VPS53: variants seen among roughly 807,000 people sequenced by gnomAD.
The protein encoded by VPS53 is VPS53 subunit of GARP complex.
In VPS53, 70 loss-of-function variants were observed where a neutral mutation model predicts 107.0. That is an observed-to-expected ratio of 0.65 (90% confidence interval 0.54 to 0.80). The LOEUF is 0.80. VPS53 is among the 30% of genes least tolerant of loss of function. The pLI is 0.00. For synonymous variants in VPS53, 409 were observed against 393.3 expected, an observed-to-expected ratio of 1.04 and a Z score of -0.47; for missense variants, 917 against 1,049.4, an observed-to-expected ratio of 0.87 and a Z score of 1.74.
At position 520,520 on chromosome 17, in the gene VPS53, TA is replaced by T. The variant is rs2151792492; in HGVS notation, c.2224-591del. Among the ~76,000 whole-genome samples, 1 of 152,322 alleles carries T rather than the reference TA, an allele frequency of 6.6e-6. No homozygotes were observed. The highest frequency in any genetic ancestry group is 2.4e-5 in the African/African-American group (1 of 41,574). On this transcript the variant is annotated intron_variant, in intron 20 of 21. Transcript: ENST00000437048. This position sits in a 1 kb window ranked among gnomAD's most constrained non-coding sequence, Gnocchi z 4.4. ...CTGTAACTTCATGTAACGACTAACT[TA>T]AACTATCAATTAACATACAAACAAA...
At chr17:679,649 A>T (rs1028173282) in intron 4 of VPS53, among the ~76,000 whole-genome samples, 1 of 152,232 alleles carries the variant, frequency 6.6e-6, no homozygotes, top group African/African-American at 2.4e-5. Context: ...GAAGTGGAAG[A>T]TGTAACTATA....
chr17:680,355 A>G (rs184387676), intron 4 of VPS53, among the ~76,000 whole-genome samples: 4 of 152,206 alleles, frequency 2.6e-5, no homozygotes, highest in Non-Finnish European at 5.9e-5. Flanking sequence ...ATAACCAAAA[A>G]GAAGAAAATG....
At chr17:581,841 T>C (rs1265331887) in intron 13 of VPS53, among the ~76,000 whole-genome samples, 1 of 151,998 alleles carries the variant, frequency 6.6e-6, no homozygotes, top group African/African-American at 2.4e-5. Context: ...CCTCAATGCG[T>C]TCCCAGAGAA....
intron 3 of VPS53, 152 bp from the exon 4 acceptor site, chr17:697,636 G>A (rs745643431): frequency 7.6e-6 from 5 of 656,148 alleles, no homozygotes; most frequent in Non-Finnish European, 1.3e-5. Context: ...CATCAGGCAG[G>A]AGGAGGGCAG....
intron 4 of VPS53, among the ~76,000 whole-genome samples, chr17:671,694 G>C (rs1473930344): frequency 2.0e-5 from 3 of 148,742 alleles, no homozygotes; most frequent in African/African-American, 4.9e-5. Context: ...CGTTGGAGCA[G>C]TTTTCCCATG....
intron 12 of VPS53, among the ~76,000 whole-genome samples, chr17:599,423 C>T (rs1226692724): frequency 6.6e-6 from 1 of 151,898 alleles, no homozygotes; most frequent in Non-Finnish European, 1.5e-5. Context: ...CTTCTTCTGC[C>T]TTGGGATCCT....
chr17:656,968 G>T (rs765152601), intron 5 of VPS53: 32 of 967,890 alleles, frequency 3.3e-5, no homozygotes, highest in Non-Finnish European at 5.2e-5. Context: ...CATGAACCAC[G>T]TCAGAAGATC....
intron 4 of VPS53, among the ~76,000 whole-genome samples, chr17:687,311 C>G (rs1313594327): frequency 6.7e-6 from 1 of 149,696 alleles, no homozygotes; most frequent in African/African-American, 2.5e-5. Flanking sequence ...GGTGCGGTGG[C>G]TCATACCTGT....
intron 7 of VPS53, among the ~76,000 whole-genome samples, chr17:633,736 G>C (rs1361783695): frequency 6.6e-6 from 1 of 152,204 alleles, no homozygotes; most frequent in Non-Finnish European, 1.5e-5. Flanking sequence ...GCCACCTCCA[G>C]ATTGGAATCA....
intron 13 of VPS53, among the ~76,000 whole-genome samples, chr17:567,081 A>G (rs1310042108): frequency 6.6e-6 from 1 of 152,152 alleles, no homozygotes; most frequent in Non-Finnish European, 1.5e-5. Flanking sequence ...CCAACGCGCC[A>G]GCCAACTCTG....
chr17:603,576 G>A lies in VPS53; in HGVS notation c.1117-1680C>T, dbSNP rs151024053. ...AAGTGATGTGGACAGATACAGCCTC[G>A]GTGCATGACAAAGCCTTGTGGTGAT... On this transcript the variant is annotated intron_variant, in intron 11 of 21. Coordinates refer to ENST00000437048, the MANE Select transcript of VPS53 (RefSeq NM_001128159.3). Among the ~76,000 whole-genome samples the A allele has an allele frequency of 5.0e-3, 753 of 149,840 alleles. 6 individuals are homozygous for A. Among genetic ancestry groups the A allele is most frequent in the African/African-American group, 0.017 (701 of 41,498 alleles).
intron 4 of VPS53, among the ~76,000 whole-genome samples, chr17:667,257 A>G (rs1454392438): frequency 6.6e-6 from 1 of 151,906 alleles, no homozygotes; most frequent in East Asian, 1.9e-4. Flanking sequence ...AGGCTAAAAT[A>G]TTTACTATCC....
chr17:698,866 T>C (rs1248457475), intron 3 of VPS53, among the ~76,000 whole-genome samples: 1 of 152,084 alleles, frequency 6.6e-6, no homozygotes, highest in African/African-American at 2.4e-5. Flanking sequence ...ACAAAGTTCA[T>C]ATGGATAAAA....
intron 4 of VPS53, among the ~76,000 whole-genome samples, chr17:694,002 A>C (rs1408318367): frequency 6.6e-6 from 1 of 152,080 alleles, no homozygotes; most frequent in Non-Finnish European, 1.5e-5. Context: ...CTTTTAGCAA[A>C]CCAGCCAGCC....
At chr17:582,119 C>G (rs1967055332) in intron 13 of VPS53, among the ~76,000 whole-genome samples, 1 of 149,656 alleles carries the variant, frequency 6.7e-6, no homozygotes, top group South Asian at 2.1e-4. Context: ...AAACATCCCT[C>G]AGGAACTAAT....
chr17:534,494 T>G (rs2151810218), intron 18 of VPS53, among the ~76,000 whole-genome samples: 1 of 151,638 alleles, frequency 6.6e-6, no homozygotes, highest in Middle Eastern at 3.4e-3. Flanking sequence ...GGAAGGAGAG[T>G]AAACAAGGGG....
At position 532,651 on chromosome 17, in the gene VPS53, G is replaced by A. The variant is rs1039916185; in HGVS notation, c.2085+191C>T. On this transcript the variant is annotated intron_variant, in intron 19 of 21. Coordinates refer to ENST00000437048, the MANE Select transcript of VPS53 (RefSeq NM_001128159.3). Reference sequence around the variant, plus strand: ...ATACCCTGCACCCAGAACTTAGTAGGCGTTCAAACAAAATTTTTAAAAATA... The same window carrying A: ...ATACCCTGCACCCAGAACTTAGTAGACGTTCAAACAAAATTTTTAAAAATA... The A allele has an allele frequency of 3.2e-5, 44 of 1,385,678 alleles. No homozygotes were observed. In the South Asian group the frequency reaches 6.5e-4, roughly 20 times the overall value. 85.8% of individuals were successfully genotyped at this position (1,385,678 alleles called of 1,614,324 possible). A position where few individuals can be genotyped will look rare whatever the true frequency, so the allele number is the denominator to read the frequency against.
chr17:562,820 T>C (rs1913150392), intron 13 of VPS53, 75 bp from the exon 14 acceptor site: 1 of 1,483,082 alleles, frequency 6.7e-7, no homozygotes, highest in East Asian at 2.3e-5. Flanking sequence ...GTTTGCAATG[T>C]ACATAAACTA....
At chr17:575,870 C>T (rs1341153686) in intron 13 of VPS53, among the ~76,000 whole-genome samples, 1 of 152,182 alleles carries the variant, frequency 6.6e-6, no homozygotes, top group Non-Finnish European at 1.5e-5. Context: ...CAGAGAACTT[C>T]CCTCAGAACC....
Sources: allele counts gnomAD v4.1 joint callset (sites outside exome capture counted in the v4.1 genomes callset), GRCh38; gene constraint gnomAD v4.1.1; non-coding constraint Gnocchi (gnomAD v3.1); transcripts MANE v1.5; gene names NCBI Gene and HGNC (gene_info 2026-07-23, HGNC 2026-07-21).